Variants in TFPT observed in about 807,000 individuals in gnomAD.
TFPT encodes TCF3 fusion partner.
TFPT carries 27 observed loss-of-function variants against 28.8 expected under a neutral mutation model. That is an observed-to-expected ratio of 0.94 (90% CI 0.69 to 1.29). TFPT has a LOEUF of 1.29. Among genes scored for constraint, TFPT ranks in the 50% most tolerant of loss-of-function variants. TFPT has a pLI of 0.00. For missense variants in TFPT, 330 were observed against 338.0 expected (o/e 0.98, Z 0.19); for synonymous variants, 152 against 142.8 (o/e 1.06, Z -0.46).
intron 2 of TFPT, among the ~76,000 whole-genome samples, chr19:54,112,813 C>A (rs587717711): frequency 8.6e-5 from 13 of 151,906 alleles, no homozygotes; most frequent in South Asian, 4.2e-4. Context: ...GAGTTGAAGG[C>A]CAGGCGTGGT....
chr19:54,111,796 C>T, intron 2 of TFPT, among the ~76,000 whole-genome samples: 1 of 150,992 alleles, frequency 6.6e-6, no homozygotes, highest in Non-Finnish European at 1.5e-5. Flanking sequence ...ACCAGCCTAA[C>T]GTGGTGAAAC....
chr19:54,107,921 ACT>A (rs1468938073), intron 5 of TFPT, 103 bp downstream of exon 5: 2 of 1,262,508 alleles, frequency 1.6e-6, no homozygotes, highest in East Asian at 4.9e-5. Context: ...CCTGAACCTA[ACT>A]CAGCCCCAGC....
chr19:54,111,713 G>A (rs755197378), intron 2 of TFPT, among the ~76,000 whole-genome samples: 4 of 148,938 alleles, frequency 2.7e-5, no homozygotes, highest in Non-Finnish European at 4.5e-5. Context: ...TGCCAGGCAC[G>A]GTGGCTCACG....
chr19:54,110,960 A>G (rs1301396641), intron 2 of TFPT, among the ~76,000 whole-genome samples: 1 of 152,224 alleles, frequency 6.6e-6, no homozygotes, highest in Non-Finnish European at 1.5e-5. Context: ...TGCAGAATCA[A>G]TGACTTTGCA....
chr19:54,113,355 G>T (rs1205056132), intron 2 of TFPT, among the ~76,000 whole-genome samples: 1 of 152,054 alleles, frequency 6.6e-6, no homozygotes, highest in Non-Finnish European at 1.5e-5. Context: ...ATGTTTGTAC[G>T]TGCCAATGAC....
At chr19:54,111,259 C>T (rs254268) in intron 2 of TFPT, among the ~76,000 whole-genome samples, 2,514 of 152,094 alleles carry the variant, frequency 0.017, 72 homozygotes, top group African/African-American at 0.057. Flanking sequence ...ACCTGAGTTC[C>T]GGGCGGGGCA....
intron 1 of TFPT, 118 bp downstream of exon 1, chr19:54,115,126 AAGC>A: frequency 1.4e-6 from 2 of 1,464,852 alleles, no homozygotes; most frequent in Non-Finnish European, 1.9e-6. Flanking sequence ...TTCTAAGGTA[AAGC>A]AGTTGCATGA....
rs776513954 is a variant in TFPT at position 54,114,512 on chromosome 19, C to T, written c.212G>A (p.Arg71Gln). The change falls in exon 2 of 6, where the codon CGG (arginine) becomes CAG (glutamine). Residue 71 changes from arginine (R) to glutamine (Q), a missense_variant. Physicochemically the swap from Arg to Gln is conservative, Grantham distance 43. Transcript: ENST00000391759. ...DEEEEAARGR[R>Q]RRQRELNRRK... ...GCGATTTAATTCCCGCTGGCGCCGC[C>T]GCCGACCCCGGGCTGCCTCTTCCTC... 2 of 1,613,948 alleles carry T rather than the reference C, an allele frequency of 1.2e-6. No individual in the cohort carries two copies. Among genetic ancestry groups the T allele is most frequent in the African/African-American group, 2.7e-5 (2 of 75,022 alleles).
In TFPT at chr19:54,108,441, G is replaced by A. The variant is rs200879577; in HGVS notation, c.354-46C>T. The A allele has an allele frequency of 8.7e-6, 14 of 1,613,984 alleles. 1 individual carries two copies. The highest frequency in any genetic ancestry group is 2.7e-5 in the African/African-American group (2 of 75,046). On this transcript the variant is annotated intron_variant, in intron 3 of 5. Transcript: ENST00000391759. ...CCAACGGAATAACTTATCTCCTAGC[G>A]GCTGGGGAAAAGGGCCACAGGATAG...
At position 54,113,961 on chromosome 19, in the gene TFPT, G is replaced by C. The variant is rs376720430; in HGVS notation, c.282+481C>G. 2.3e-4 allele frequency among the ~76,000 whole-genome samples: 35 copies of C among 152,312 alleles called. No homozygotes were observed. The East Asian group carries it at 4.8e-3, about 21-fold the overall frequency. The stretch of plus-strand genomic sequence containing the variant: ...GCCTGCCTCAGCCTCCCAGTGCTAG[G>C]ATTACAAGCGTGAGCCACCATGCCC... On this transcript the variant is annotated intron_variant, in intron 2 of 5. Coordinates refer to ENST00000391759, the MANE Select transcript of TFPT (RefSeq NM_013342.4).
At position 54,115,330 on chromosome 19, in the gene TFPT, A is replaced by C; in HGVS notation, c.-61T>G. 2 of 1,612,650 alleles carry C rather than the reference A, an allele frequency of 1.2e-6. No individual in the cohort carries two copies. Among genetic ancestry groups the C allele is most frequent in the South Asian group, 2.2e-5 (2 of 91,080 alleles). ...TCCGACCTCTTCAATCTGTAGGTTA[A>C]GCCGTTCGCAAAACTACTTGTCCCA... On this transcript the variant is annotated 5_prime_UTR_variant, in exon 1 of 6. Transcript: ENST00000391759.
In TFPT at chr19:54,107,037, T is replaced by A. The variant is rs375529930; in HGVS notation, c.*13A>T. The A allele has an allele frequency of 2.5e-6, 4 of 1,612,776 alleles. No homozygotes were observed. The African/African-American group carries it at 5.4e-5, about 22-fold the overall frequency. On this transcript the variant is annotated 3_prime_UTR_variant, in exon 6 of 6. Transcript: ENST00000391759. ...GGCCGGGGTGAGTGTGGGGTCAGTT[T>A]ATTGGGCATGCGTCAGTCAGAGGCT...
intron 2 of TFPT, among the ~76,000 whole-genome samples, chr19:54,113,445 C>G (rs1447889311): frequency 6.6e-6 from 1 of 152,120 alleles, no homozygotes; most frequent in African/African-American, 2.4e-5. Flanking sequence ...GGATGTCTAG[C>G]CTCCAGAACT....
intron 5 of TFPT, chr19:54,107,676 G>A (rs66506016): frequency 9.3e-5 from 31 of 335,134 alleles, no homozygotes; most frequent in Middle Eastern, 7.8e-4. Flanking sequence ...CTTCCACTCC[G>A]TCTTCTCTGA....
At position 54,107,066 on chromosome 19, in the gene TFPT, C is replaced by T; in HGVS notation, c.746G>A (p.Ser249Asn). The T allele has an allele frequency of 6.2e-7, 1 of 1,613,794 alleles. No homozygotes were observed. Among genetic ancestry groups the T allele is most frequent in the Non-Finnish European group, 8.5e-7 (1 of 1,179,920 alleles). ...GGGCATGCGTCAGTCAGAGGCTGGG[C>T]TGGCCAGGGTCGGGTAGGGCAGCAG... Reference protein sequence around the residue: ...DKLLPYPTLASPASD With the variant: ...DKLLPYPTLANPASD The change falls in exon 6 of 6, where the codon AGC becomes AAC. Residue 249 changes from serine to asparagine, a missense_variant. Transcript: ENST00000391759.
intron 1 of TFPT, 150 bp from the exon 2 acceptor site, chr19:54,114,850 C>G: frequency 2.6e-4 from 293 of 1,120,570 alleles, no homozygotes; most frequent in Middle Eastern, 6.3e-4. Flanking sequence ...TAGAATCCAG[C>G]TCCCAGCCCT....
intron 2 of TFPT, among the ~76,000 whole-genome samples, chr19:54,113,422 G>A (rs1046987082): frequency 1.2e-4 from 19 of 152,078 alleles, no homozygotes; most frequent in Non-Finnish European, 2.4e-4. Flanking sequence ...CAACCCTGTC[G>A]ACACCTTGCC....
Position 54,114,517 on chromosome 19 carries a change from A to C in TFPT, c.207T>G (p.Gly69=). The change falls in exon 2 of 6, where the codon GGT becomes GGG. Residue 69 remains glycine (G), a synonymous_variant. Transcript: ENST00000391759. ...ERDEEEEAAR[G]RRRRQRELNR... ...TTAATTCCCGCTGGCGCCGCCGCCG[A>C]CCCCGGGCTGCCTCTTCCTCTTCAT... 6.2e-7 allele frequency: 1 copy of C among 1,613,468 alleles called. No individual in the cohort carries two copies. Among genetic ancestry groups the C allele is most frequent in the Admixed American group, 1.7e-5 (1 of 59,970 alleles).
chr19:54,115,359 G>A lies in TFPT; in HGVS notation c.-90C>T. The A allele has an allele frequency of 6.3e-7, 1 of 1,592,022 alleles. No individual in the cohort carries two copies. The highest frequency in any genetic ancestry group is 8.6e-7 in the Non-Finnish European group (1 of 1,163,314). ...GTTCGCAAAACTACTTGTCCCATCA[G>A]GCTCAGCAGCCGAGGACGGCGGGAC... On this transcript the variant is annotated 5_prime_UTR_variant, in exon 1 of 6. Transcript: ENST00000391759.
Sources: gnomAD v4.1 joint callset for allele counts (sites outside exome capture counted in the v4.1 genomes callset) on GRCh38, gnomAD v4.1.1 for gene constraint, MANE v1.5 for transcripts, NCBI Gene and HGNC (gene_info 2026-07-23, HGNC 2026-07-21) for gene names.